Variants in PCNX3 observed in about 807,000 individuals in gnomAD.
PCNX3 encodes pecanex-like protein 3.
Under a neutral mutation model 207.2 loss-of-function variants are expected in PCNX3, and 58 were observed. That is an observed-to-expected ratio of 0.28 (90% CI 0.23 to 0.35). The LOEUF (loss-of-function observed/expected upper bound fraction) is 0.35. PCNX3 is among the 10% of genes least tolerant of loss of function. The pLI, the probability that PCNX3 is intolerant of heterozygous loss-of-function variation, is 1.00. For missense variants in PCNX3, 2,410 were observed against 2,774.4 expected (o/e 0.87, Z 2.95); for synonymous variants, 1,337 against 1,183.5 (o/e 1.13, Z -2.66).
At position 65,629,572 on chromosome 11, in the gene PCNX3, G is replaced by A. The variant is rs183177647; in HGVS notation, c.4053G>A (p.Ser1351=). The change falls in exon 26 of 35, where the codon TCG becomes TCA. Residue 1351 remains serine, a synonymous_variant. Transcript: ENST00000355703. The part of the protein sequence containing the change: ...NSIFYEHLTR[S]LQHTLCGDLV... ...TCTTCTATGAGCACTTGACACGTTC[G>A]CTGCAGCACACACTGTGTGGGGACC... The A allele has an allele frequency of 6.4e-5, 104 of 1,613,542 alleles. 1 individual carries two copies. In the African/African-American group the frequency reaches 1.2e-3, roughly 18 times the overall value.
chr11:65,626,073 T>C lies in PCNX3; in HGVS notation c.3379+19T>C. On this transcript the variant is annotated intron_variant, in intron 20 of 34. Transcript: ENST00000355703. ...GTGCGCGGTGAGTGCCCACCCCTGA[T>C]GGCCAGGCCTGGGCAGTGGCTCGGG... 2 of 1,582,644 alleles carry C rather than the reference T, an allele frequency of 1.3e-6. 1 individual carries two copies. The highest frequency in any genetic ancestry group is 2.3e-5 in the South Asian group (2 of 87,560).
chr11:65,635,480 C>T lies in PCNX3; in HGVS notation c.5184+32C>T. ...CCGGCCCCACCTGCCCTAAGCCCTG[C>T]CCCAAACCCCCTTGGGCCGGCCCCC... On this transcript the variant is annotated intron_variant, in intron 31 of 34. Coordinates refer to ENST00000355703, the MANE Select transcript of PCNX3 (RefSeq NM_032223.4). The surrounding 1 kb of genome is among the most constrained non-coding windows in gnomAD (Gnocchi z 9.9). The T allele has an allele frequency of 6.2e-7, 1 of 1,606,598 alleles. No individual in the cohort carries two copies. Among genetic ancestry groups the T allele is most frequent in the South Asian group, 1.1e-5 (1 of 90,730 alleles).
chr11:65,631,780 T>C (rs1403219434), intron 27 of PCNX3, among the ~76,000 whole-genome samples: 1 of 152,014 alleles, frequency 6.6e-6, no homozygotes, highest in Non-Finnish European at 1.5e-5. Flanking sequence ...GTGCTCCCTA[T>C]GTTGGGCTCG....
Position 65,633,408 on chromosome 11 carries a change from G to C in PCNX3, c.4471-718G>C, listed in dbSNP as rs553505123. Among the ~76,000 whole-genome samples the C allele has an allele frequency of 2.3e-3, 348 of 152,320 alleles. 2 individuals carry two copies. The highest frequency in any genetic ancestry group is 8.0e-3 in the African/African-American group (333 of 41,574). On this transcript the variant is annotated intron_variant, in intron 27 of 34. Coordinates refer to ENST00000355703, the MANE Select transcript of PCNX3 (RefSeq NM_032223.4). Reference sequence around the variant, plus strand: ...GCTTCAGCTGCCTAAAGGGACCTGTGACCCAGGCACTCTGAGGCAGGCCCA... The same window carrying C: ...GCTTCAGCTGCCTAAAGGGACCTGTCACCCAGGCACTCTGAGGCAGGCCCA...
chr11:65,630,264 C>T, intron 26 of PCNX3, 87 bp from the exon 27 acceptor site: 3 of 1,498,212 alleles, frequency 2.0e-6, no homozygotes, highest in Non-Finnish European at 2.7e-6. Context: ...TGGCAGCAGG[C>T]CTCTGATGCC....
intron 11 of PCNX3, among the ~76,000 whole-genome samples, chr11:65,622,754 C>G (rs1855175410): frequency 6.6e-6 from 1 of 151,974 alleles, no homozygotes; most frequent in Admixed American, 6.6e-5. Context: ...CGCCACCACA[C>G]CTGGCTAATT....
At position 65,636,751 on chromosome 11, in the gene PCNX3, T is replaced by G. The variant is rs186802978; in HGVS notation, c.5893-15T>G. On this transcript the variant is annotated splice_polypyrimidine_tract_variant and intron_variant, in intron 34 of 34. Coordinates refer to ENST00000355703, the MANE Select transcript of PCNX3 (RefSeq NM_032223.4). ...TAAGGCCTGCTCACCCGCCAACCTCTCCCCCCTCCCCCAGGCGCCTCTAGA... is the reference window on the plus strand; with the variant it reads ...TAAGGCCTGCTCACCCGCCAACCTCGCCCCCCTCCCCCAGGCGCCTCTAGA... 1.2e-3 allele frequency: 1,777 copies of G among 1,540,600 alleles called. No homozygotes were observed. Among genetic ancestry groups the G allele is most frequent in the Non-Finnish European group, 1.3e-3 (1,453 of 1,141,370 alleles).
chr11:65,634,806 CTGCTCCTCAG>C (rs1400602114), intron 29 of PCNX3, among the ~76,000 whole-genome samples, 157 bp from the exon 30 acceptor site: 1 of 152,152 alleles, frequency 6.6e-6, no homozygotes, highest in Non-Finnish European at 1.5e-5. Context: ...ATGACCTTGC[CTGCTCCTCAG>C]TGCTCTGTGA....
intron 23 of PCNX3, 51 bp from the exon 24 acceptor site, chr11:65,628,768 G>GGGGGGGGGGC: frequency 6.3e-7 from 1 of 1,592,464 alleles, no homozygotes; most frequent in Non-Finnish European, 8.5e-7. Flanking sequence ...GTGGGGGGTG[G>GGGGGGGGGGC]TGGGGGGCTG....
chr11:65,617,086 G>A (rs1854776162), intron 2 of PCNX3, 75 bp downstream of exon 2: 2 of 1,468,334 alleles, frequency 1.4e-6, no homozygotes, highest in African/African-American at 2.8e-5. Flanking sequence ...GGTGGAGTAG[G>A]GGCTTAGGGA....
Position 65,617,652 on chromosome 11 carries a change from A to T in PCNX3, c.523A>T (p.Ile175Phe), listed in dbSNP as rs745669423. The T allele has an allele frequency of 3.8e-6, 6 of 1,598,720 alleles. No individual in the cohort carries two copies. The African/African-American group carries it at 5.4e-5, about 14-fold the overall frequency. ...GCGGGAGCAGGGCAGCAACAATGTG[A>T]TCGTGACTTCTGCCGACCGAGAGAT... ...LVREQGSNNV[I>F]VTSADREMLK... Residue 175 changes from isoleucine to phenylalanine, a missense_variant, in exon 5 of 35, where the codon ATC (isoleucine) becomes TTC (phenylalanine). Physicochemically the swap from Ile to Phe is conservative, Grantham distance 21. This residue lies in a region of PCNX3 where 1,104 missense variants were observed against 970.3 expected (regional missense o/e 1.14). Coordinates refer to ENST00000355703, the MANE Select transcript of PCNX3 (RefSeq NM_032223.4).
chr11:65,619,993 C>A, intron 8 of PCNX3, 61 bp downstream of exon 8: 1 of 1,507,392 alleles, frequency 6.6e-7, no homozygotes, highest in Non-Finnish European at 9.0e-7. Context: ...CAGCCTGAGT[C>A]CTCCTAGCAG....
chr11:65,618,749 G>T lies in PCNX3; in HGVS notation c.1387G>T (p.Gly463Trp), dbSNP rs756980056. Residue 463 changes from glycine to tryptophan, a missense_variant, in exon 6 of 35, where the codon GGG (glycine) becomes TGG (tryptophan). Transcript: ENST00000355703. ...CCCTGAGAGCTCCCGGGGTGCAGCA[G>T]GGGGACCCCGGAAGCGGAGGGCCCC... ...YSPESSRGAA[G>W]GPRKRRAPHG... 1 of 1,611,762 alleles carries T rather than the reference G, an allele frequency of 6.2e-7. No homozygotes were observed. Among genetic ancestry groups the T allele is most frequent in the African/African-American group, 1.3e-5 (1 of 75,016 alleles).
rs1855511744 is a variant in PCNX3, at chr11:65,628,959, C to G, written c.3941+11C>G. 1.9e-6 allele frequency: 3 copies of G among 1,610,398 alleles called. No individual in the cohort carries two copies. In the Admixed American group the frequency reaches 5.0e-5, roughly 27 times the overall value. On this transcript the variant is annotated intron_variant, in intron 24 of 34. Transcript: ENST00000355703. The stretch of plus-strand genomic sequence containing the variant: ...GGAGCGCGACTACAAGTGAGTCTCA[C>G]AGGAGGCGGGAGCATGCCCAGCAGG...
At chr11:65,626,310 G>A in intron 20 of PCNX3, 1 of 659,804 alleles carries the variant, frequency 1.5e-6, no homozygotes, top group Admixed American at 2.1e-5. Flanking sequence ...TCTGTGAGAA[G>A]ACGGAAGAAT....
rs375715876 is a variant in PCNX3 at position 65,617,523 on chromosome 11, C to T, written c.481+14C>T. ...GGCCCCTTAGAGGTAGGTGGCTGCT[C>T]TTCAGGGTTGGAGCATAGTGCTGTG... On this transcript the variant is annotated intron_variant, in intron 4 of 34. Coordinates refer to ENST00000355703, the MANE Select transcript of PCNX3 (RefSeq NM_032223.4). The T allele has an allele frequency of 2.9e-5, 46 of 1,613,828 alleles. No homozygotes were observed. Among genetic ancestry groups the T allele is most frequent in the Non-Finnish European group, 3.5e-5 (41 of 1,179,892 alleles).
At position 65,619,754 on chromosome 11, in the gene PCNX3, C is replaced by A; in HGVS notation, c.1830C>A (p.Ser610Arg). The A allele has an allele frequency of 1.3e-6, 2 of 1,566,352 alleles. No homozygotes were observed. Among genetic ancestry groups the A allele is most frequent in the South Asian group, 1.2e-5 (1 of 86,810 alleles). Residue 610 changes from serine (S) to arginine (R), a missense_variant and splice_region_variant, in exon 8 of 35, where the codon AGC becomes AGA. Ser to Arg is a moderately radical substitution (Grantham distance 110). Coordinates refer to ENST00000355703, the MANE Select transcript of PCNX3 (RefSeq NM_032223.4). ...PPASVMGSPP[S>R]SLQEAQRGRA... ...CTGACCTGGGGCTGACCCTCTCCAGCAGCCTGCAGGAAGCTCAGCGGGGCC... is the reference window on the plus strand; with the variant it reads ...CTGACCTGGGGCTGACCCTCTCCAGAAGCCTGCAGGAAGCTCAGCGGGGCC...
chr11:65,616,878 A>T lies in PCNX3; in HGVS notation c.208A>T (p.Ile70Phe). ...CGTGTACTGCCTCGTGGTGGCTGTC[A>T]TCTTTGCTACTATCAAGACTGTCAA... is the stretch of plus-strand genomic sequence containing the variant. Reference protein sequence around the residue: ...AGVYCLVVAVIFATIKTVNYR... With the variant: ...AGVYCLVVAVFFATIKTVNYR... The change falls in exon 2 of 35, where the codon ATC (isoleucine) becomes TTC (phenylalanine). Residue 70 changes from isoleucine to phenylalanine, a missense_variant. Ile to Phe is a conservative substitution (Grantham distance 21). Transcript: ENST00000355703. The T allele has an allele frequency of 6.2e-7, 1 of 1,613,654 alleles. No homozygotes were observed. The highest frequency in any genetic ancestry group is 8.5e-7 in the Non-Finnish European group (1 of 1,179,842).
chr11:65,629,067 T>G (rs1022059974), intron 24 of PCNX3, 119 bp downstream of exon 24: 2 of 1,404,660 alleles, frequency 1.4e-6, no homozygotes, highest in African/African-American at 2.9e-5. Context: ...TTGGTCACAG[T>G]GGGGACACAT....
Sources: gnomAD v4.1 joint callset for allele counts (sites outside exome capture counted in the v4.1 genomes callset) on GRCh38, gnomAD v4.1.1 for gene constraint, gnomAD v4.1.1 regional missense constraint, Gnocchi (gnomAD v3.1) non-coding constraint, MANE v1.5 for transcripts, NCBI Gene and HGNC (gene_info 2026-07-23, HGNC 2026-07-21) for gene names.